EYS: variants seen among roughly 807,000 people sequenced by gnomAD.
The protein encoded by EYS is protein eyes shut homolog.
Under a neutral mutation model 282.1 loss-of-function variants are expected in EYS, and 250 were observed. That is an observed-to-expected ratio of 0.89 (90% CI 0.80 to 0.98). The LOEUF (loss-of-function observed/expected upper bound fraction) is 0.98, where lower values mean the gene tolerates loss of function less well. Among genes scored for constraint, EYS ranks in the 50% least tolerant of loss-of-function variants. The pLI, the probability that EYS is intolerant of heterozygous loss-of-function variation, is 0.00. For missense variants in EYS, 4,016 were observed against 3,709.0 expected (o/e 1.08, Z -2.15); for synonymous variants, 1,355 against 1,282.9 (o/e 1.06, Z -1.20).
rs188007697 is a variant in EYS at position 64,039,318 on chromosome 6, G to T, written c.6725+27020C>A. Among the ~76,000 whole-genome samples, 899 of 152,200 alleles carry T rather than the reference G, an allele frequency of 5.9e-3. 3 individuals carry two copies. Among genetic ancestry groups the T allele is most frequent in the African/African-American group, 0.02 (851 of 41,530 alleles). On this transcript the variant is annotated intron_variant, in intron 33 of 42. Transcript: ENST00000503581. ...TAAAGAAGAAAACTGAACTCTTTTG[G>T]ACAGGAATCTAACTCAAGTCAACTG... is the stretch of plus-strand genomic sequence containing the variant.
At chr6:65,268,438 A>G (rs978654401) in intron 12 of EYS, among the ~76,000 whole-genome samples, 8 of 152,198 alleles carry the variant, frequency 5.3e-5, no homozygotes, top group African/African-American at 1.9e-4. Context: ...TGATGTTTAG[A>G]TATAATTTAC....
chr6:64,352,829 A>G (rs1771687742), intron 29 of EYS, among the ~76,000 whole-genome samples: 1 of 151,540 alleles, frequency 6.6e-6, no homozygotes, highest in African/African-American at 2.4e-5. Context: ...TTAATTTTGT[A>G]ATTTTCTCTC....
chr6:65,116,526 C>T (rs1225537777), intron 12 of EYS, among the ~76,000 whole-genome samples: 1 of 151,954 alleles, frequency 6.6e-6, no homozygotes, highest in Non-Finnish European at 1.5e-5. Context: ...AGCCCAAGGG[C>T]AATAACTGGC....
intron 31 of EYS, among the ~76,000 whole-genome samples, chr6:64,108,541 A>C (rs911414171): frequency 6.8e-6 from 1 of 146,564 alleles, no homozygotes; most frequent in African/African-American, 2.5e-5. Flanking sequence ...AAGATAGCTG[A>C]ATCTTTAAGC....
intron 26 of EYS, among the ~76,000 whole-genome samples, chr6:64,487,663 T>A (rs1310000123): frequency 1.3e-5 from 2 of 151,012 alleles, no homozygotes; most frequent in Admixed American, 1.3e-4. Context: ...CTATCAATAA[T>A]TTCACAGTTT....
intron 34 of EYS, among the ~76,000 whole-genome samples, chr6:63,991,859 A>T (rs1032477148): frequency 6.6e-6 from 1 of 151,800 alleles, no homozygotes; most frequent in African/African-American, 2.4e-5. Flanking sequence ...CTTGTCATGT[A>T]AATGGGAGCT....
intron 31 of EYS, among the ~76,000 whole-genome samples, chr6:64,172,539 T>A (rs1467642627): frequency 2.6e-5 from 4 of 152,114 alleles, no homozygotes; most frequent in African/African-American, 9.7e-5. Context: ...AATAAAAACA[T>A]AACTATCTTA....
chr6:64,483,162 C>T (rs1373822037), intron 26 of EYS, among the ~76,000 whole-genome samples: 1 of 151,390 alleles, frequency 6.6e-6, no homozygotes, highest in Non-Finnish European at 1.5e-5. Context: ...TTAAGCTCTA[C>T]CTCTATAGTG....
At position 65,469,328 on chromosome 6, in the gene EYS, G is replaced by A. The variant is rs568402816; in HGVS notation, c.862+21266C>T. Reference sequence around the variant, plus strand: ...ATCATAAGTAGTTCAAACTGAAAACGTTTAAAACAACATTTTTATTTCAGT... The same window carrying A: ...ATCATAAGTAGTTCAAACTGAAAACATTTAAAACAACATTTTTATTTCAGT... On this transcript the variant is annotated intron_variant, in intron 5 of 42. Transcript: ENST00000503581. Among the ~76,000 whole-genome samples, 11 of 151,944 alleles carry A rather than the reference G, an allele frequency of 7.2e-5. No individual in the cohort carries two copies. The South Asian group carries it at 8.3e-4, about 11-fold the overall frequency.
intron 30 of EYS, 32 bp from the exon 31 acceptor site, chr6:64,230,856 T>C: frequency 7.4e-7 from 1 of 1,344,136 alleles, no homozygotes; most frequent in Non-Finnish European, 1.0e-6. Flanking sequence ...GAAAACAAAA[T>C]ATAAGTAAAA....
rs922701133 is a variant in EYS at position 65,345,493 on chromosome 6, C to G, written c.1460-1316G>C. On this transcript the variant is annotated intron_variant, in intron 9 of 42. Coordinates refer to ENST00000503581, the MANE Select transcript of EYS (RefSeq NM_001142800.2). The stretch of plus-strand genomic sequence containing the variant: ...AATTTGGAGAACTTTAATAGAAGGC[C>G]ATATATTTCAAGTATGCTTTTGTGG... Among the ~76,000 whole-genome samples, 59 of 151,392 alleles carry G rather than the reference C, an allele frequency of 3.9e-4. 1 individual carries two copies. The highest frequency in any genetic ancestry group is 2.2e-4 in the Non-Finnish European group (15 of 67,768).
At chr6:65,569,871 A>G (rs951734039) in intron 2 of EYS, among the ~76,000 whole-genome samples, 13 of 152,138 alleles carry the variant, frequency 8.5e-5, no homozygotes, top group African/African-American at 3.1e-4. Flanking sequence ...TTCCTTTCAG[A>G]CTGCTCTGTG....
intron 33 of EYS, among the ~76,000 whole-genome samples, chr6:64,027,202 C>A (rs1423517884): frequency 6.6e-6 from 1 of 152,134 alleles, no homozygotes; most frequent in Non-Finnish European, 1.5e-5. Context: ...TCATAAACAT[C>A]TGTTGACCTG....
intron 13 of EYS, among the ~76,000 whole-genome samples, chr6:65,028,199 A>T (rs1772480542): frequency 6.6e-6 from 1 of 152,084 alleles, no homozygotes; most frequent in Admixed American, 6.6e-5. Context: ...AAACAAATTA[A>T]AATAGTGCAA....
Position 65,123,173 on chromosome 6 carries a change from T to C in EYS, c.2024-65446A>G, listed in dbSNP as rs186064276. Among the ~76,000 whole-genome samples, 176 of 152,230 alleles carry C rather than the reference T, an allele frequency of 1.2e-3. 1 individual carries two copies. Among genetic ancestry groups the C allele is most frequent in the African/African-American group, 4.0e-3 (168 of 41,566 alleles). On this transcript the variant is annotated intron_variant, in intron 12 of 42. Transcript: ENST00000503581. ...TCTTCGACTGGGGAAAAAGTGAATG[T>C]ACAAACATTAAAAAAATTTGTTCAC...
intron 8 of EYS, among the ~76,000 whole-genome samples, chr6:65,371,559 C>A (rs774011109): frequency 4.0e-5 from 6 of 151,818 alleles, no homozygotes; most frequent in Non-Finnish European, 1.5e-5. Flanking sequence ...TGCCTGAGTT[C>A]TTATGGGAAC....
intron 12 of EYS, among the ~76,000 whole-genome samples, chr6:65,125,718 T>C (rs1034572984): frequency 8.5e-5 from 13 of 152,082 alleles, no homozygotes; most frequent in African/African-American, 2.9e-4. Flanking sequence ...TGCTTCCTAC[T>C]TTGGCACAGG....
intron 29 of EYS, among the ~76,000 whole-genome samples, chr6:64,340,844 A>G (rs1561939524): frequency 6.6e-6 from 1 of 151,900 alleles, no homozygotes; most frequent in Non-Finnish European, 1.5e-5. Flanking sequence ...TCCAGAATCT[A>G]TCAATAACTT....
At chr6:64,512,116 T>A (rs1410050852) in intron 26 of EYS, among the ~76,000 whole-genome samples, 4 of 152,058 alleles carry the variant, frequency 2.6e-5, no homozygotes, top group Non-Finnish European at 5.9e-5. Flanking sequence ...CACACATACA[T>A]ACATGCATAT....
Sources: allele counts gnomAD v4.1 joint callset (sites outside exome capture counted in the v4.1 genomes callset), GRCh38; gene constraint gnomAD v4.1.1; transcripts MANE v1.5; gene names NCBI Gene and HGNC (gene_info 2026-07-23, HGNC 2026-07-21).